The following STPG2 variants were observed in gnomAD, a reference collection of about 807,000 sequenced individuals.
The protein encoded by STPG2 is sperm tail PG-rich repeat containing 2.
STPG2 carries 56 observed loss-of-function variants against 54.2 expected under a neutral mutation model. That is an observed-to-expected ratio of 1.03 (90% CI 0.83 to 1.29). STPG2 has a LOEUF of 1.29. STPG2 is among the 50% of genes most tolerant of loss of function. STPG2 has a pLI of 0.00. For missense variants in STPG2, 596 were observed against 544.9 expected, an observed-to-expected ratio of 1.09 and a Z score of -0.93; for synonymous variants, 200 against 181.8, an observed-to-expected ratio of 1.10 and a Z score of -0.81.
At position 97,717,382 on chromosome 4, in the gene STPG2, T is replaced by C. The variant is rs142103731; in HGVS notation, c.1205-4568A>G. Among the ~76,000 whole-genome samples, 306 of 152,350 alleles carry C rather than the reference T, an allele frequency of 2.0e-3. 1 individual carries two copies. The highest frequency in any genetic ancestry group is 6.9e-3 in the African/African-American group (286 of 41,590). ...TACAAAGCCCCTAAGAAATGAACTA[T>C]TTTAATGCACTCCAAACTAAGTAGA... On this transcript the variant is annotated intron_variant, in intron 9 of 10. Transcript: ENST00000295268.
chr4:97,973,747 C>T (rs540466863), intron 6 of STPG2, among the ~76,000 whole-genome samples: 1 of 115,636 alleles, frequency 8.6e-6, no homozygotes, highest in Non-Finnish European at 1.7e-5. Flanking sequence ...ACGTAGAGCT[C>T]AGGCCGTGGT....
intron 9 of STPG2, among the ~76,000 whole-genome samples, chr4:97,727,918 T>C (rs907789833): frequency 6.6e-6 from 1 of 151,990 alleles, no homozygotes; most frequent in Non-Finnish European, 1.5e-5. Flanking sequence ...TCTACTGTTA[T>C]TAAAAAATTT....
chr4:97,692,825 C>A lies in STPG2; in HGVS notation c.1320+19874G>T, dbSNP rs182457582. ...GCATCAGGTAACCTAAAAAAGAAAA[C>A]CTATCATATTAACAGGAGATTTCTA... On this transcript the variant is annotated intron_variant, in intron 10 of 10. Transcript: ENST00000295268. Among the ~76,000 whole-genome samples the A allele has an allele frequency of 3.3e-3, 509 of 152,178 alleles. 1 individual carries two copies. Among genetic ancestry groups the A allele is most frequent in the African/African-American group, 0.012 (488 of 41,530 alleles).
intron 3 of STPG2, among the ~76,000 whole-genome samples, chr4:98,112,178 T>C (rs1739383383): frequency 6.6e-6 from 1 of 152,146 alleles, no homozygotes; most frequent in African/African-American, 2.4e-5. Flanking sequence ...ATGGACTGCA[T>C]ATATGACAAT....
intron 5 of STPG2, among the ~76,000 whole-genome samples, chr4:98,041,838 T>C (rs999889525): frequency 1.3e-5 from 2 of 151,848 alleles, no homozygotes; most frequent in Non-Finnish European, 3.0e-5. Context: ...CAGGGTGACA[T>C]TGACTTTGTA....
At chr4:97,860,841 C>T (rs533754844) in intron 8 of STPG2, among the ~76,000 whole-genome samples, 38 of 152,202 alleles carry the variant, frequency 2.5e-4, no homozygotes, top group African/African-American at 9.1e-4. Context: ...AGTGTGAGTC[C>T]TTGTCTTATT....
intron 4 of STPG2, among the ~76,000 whole-genome samples, chr4:97,550,832 G>A (rs1327985395): frequency 1.3e-5 from 2 of 152,102 alleles, no homozygotes; most frequent in Non-Finnish European, 2.9e-5. Flanking sequence ...GCTCTTAAAG[G>A]TGGTGCTTCC....
intron 4 of STPG2, among the ~76,000 whole-genome samples, chr4:97,501,695 CAA>C (rs1048132380): frequency 3.0e-5 from 4 of 132,104 alleles, no homozygotes; most frequent in African/African-American, 2.8e-5. Flanking sequence ...GACCCTGTCT[CAA>C]AAAAAAAAAG....
At chr4:98,108,860 T>TA (rs1039627861) in intron 4 of STPG2, among the ~76,000 whole-genome samples, 5 of 151,458 alleles carry the variant, frequency 3.3e-5, no homozygotes, top group African/African-American at 1.2e-4. Context: ...ATTTGGCTTA[T>TA]AAAAAAACAA....
chr4:98,044,627 T>C (rs1222705647), intron 5 of STPG2, among the ~76,000 whole-genome samples: 1 of 152,162 alleles, frequency 6.6e-6, no homozygotes, highest in Non-Finnish European at 1.5e-5. Context: ...GCCAGTCCAT[T>C]CTTAAGGAAC....
chr4:97,535,157 T>C (rs1731500457), intron 4 of STPG2, among the ~76,000 whole-genome samples: 1 of 152,196 alleles, frequency 6.6e-6, no homozygotes. Context: ...TAGGATGGAT[T>C]GCTAGTTTGT....
intron 8 of STPG2, among the ~76,000 whole-genome samples, chr4:97,887,775 C>G (rs1313486082): frequency 1.3e-5 from 2 of 152,124 alleles, no homozygotes; most frequent in Admixed American, 6.5e-5. Context: ...AATAAGACTT[C>G]TAAGGAATTT....
intron 10 of STPG2, among the ~76,000 whole-genome samples, chr4:97,584,259 AAAT>A (rs1310353554): frequency 1.3e-5 from 2 of 152,072 alleles, no homozygotes; most frequent in Non-Finnish European, 2.9e-5. Context: ...CATGGAAATT[AAAT>A]AATCTGCTCC....
intron 8 of STPG2, among the ~76,000 whole-genome samples, chr4:97,885,066 A>T (rs981539186): frequency 2.0e-5 from 3 of 152,144 alleles, no homozygotes; most frequent in Non-Finnish European, 4.4e-5. Context: ...GGGTTTGATT[A>T]AAAAAATAGC....
chr4:98,088,196 CTG>C (rs1190900189), intron 5 of STPG2, among the ~76,000 whole-genome samples: 1 of 152,132 alleles, frequency 6.6e-6, no homozygotes, highest in East Asian at 1.9e-4. Flanking sequence ...TACAGAAAAA[CTG>C]TGAAAGAAGA....
intron 4 of STPG2, among the ~76,000 whole-genome samples, chr4:97,543,388 C>T (rs1033947793): frequency 6.6e-6 from 1 of 151,728 alleles, no homozygotes; most frequent in African/African-American, 2.4e-5. Flanking sequence ...AATTTTCCTA[C>T]CTAAGTAGCT....
intron 4 of STPG2, among the ~76,000 whole-genome samples, chr4:97,459,287 A>C (rs1415399482): frequency 2.6e-5 from 4 of 152,138 alleles, no homozygotes; most frequent in African/African-American, 9.7e-5. Flanking sequence ...GTTGAAACAA[A>C]ATTTAAACTG....
chr4:97,648,653 T>A (rs984593323), intron 10 of STPG2, among the ~76,000 whole-genome samples: 2 of 152,164 alleles, frequency 1.3e-5, no homozygotes, highest in African/African-American at 4.8e-5. Context: ...ACATAATTTA[T>A]GTTTTCTGAG....
rs1424861480 is a variant in STPG2, at chr4:97,548,595, TTTAA to T, written c.462+164100_462+164103del. Reference sequence around the variant, plus strand: ...AGTATGAAATAATAAAACATCATTATTTAATTAATCATTTATTTGGAGTCTATAT... The same window carrying T: ...AGTATGAAATAATAAAACATCATTATTTAATCATTTATTTGGAGTCTATAT... On this transcript the variant is annotated intron_variant, in intron 4 of 4. Transcript: ENST00000522676. 1.4e-4 allele frequency among the ~76,000 whole-genome samples: 21 copies of T among 151,078 alleles called. No homozygotes were observed. The East Asian group carries it at 1.5e-3, about 11-fold the overall frequency.
Sources: allele counts gnomAD v4.1 joint callset (sites outside exome capture counted in the v4.1 genomes callset), GRCh38; gene constraint gnomAD v4.1.1; transcripts MANE v1.5; gene names NCBI Gene and HGNC (gene_info 2026-07-23, HGNC 2026-07-21).